ZNF385D: variants seen among roughly 807,000 people sequenced by gnomAD.
ZNF385D encodes zinc finger protein 385D.
A neutral mutation model predicts 35.8 loss-of-function variants in ZNF385D; 15 were observed. The ratio of observed to expected loss-of-function variants is 0.42; its 90% confidence interval spans 0.28 to 0.64. The LOEUF is 0.64. ZNF385D is among the 30% of genes least tolerant of loss of function. The pLI is 0.23. For synonymous variants in ZNF385D, 212 were observed against 186.8 expected, an observed-to-expected ratio of 1.13 and a Z score of -1.10; for missense variants, 474 against 494.6, an observed-to-expected ratio of 0.96 and a Z score of 0.39.
chr3:21,807,900 T>C (rs1375184723), intron 3 of ZNF385D, among the ~76,000 whole-genome samples: 1 of 152,210 alleles, frequency 6.6e-6, no homozygotes, highest in Non-Finnish European at 1.5e-5. Flanking sequence ...TTATTTTTAG[T>C]ATGTAAGCTA....
At chr3:22,283,490 T>C (rs1701871964) in intron 2 of ZNF385D, among the ~76,000 whole-genome samples, 1 of 152,156 alleles carries the variant, frequency 6.6e-6, no homozygotes, top group Admixed American at 6.6e-5. Flanking sequence ...AGTGTCCTAA[T>C]CTTCCTTTCT....
intron 3 of ZNF385D, among the ~76,000 whole-genome samples, chr3:21,799,037 A>G (rs1379780063): frequency 6.6e-6 from 1 of 152,152 alleles, no homozygotes; most frequent in Non-Finnish European, 1.5e-5. Context: ...AATATTCCAT[A>G]TAAGCGGAAC....
At chr3:22,363,112 G>C (rs114674059) in intron 2 of ZNF385D, among the ~76,000 whole-genome samples, 2,354 of 152,162 alleles carry the variant, frequency 0.015, 33 homozygotes, top group Non-Finnish European at 0.023. Flanking sequence ...ATATTTTCCA[G>C]GCAAGAGAGT....
At chr3:21,996,478 T>A (rs1350695143) in intron 3 of ZNF385D, among the ~76,000 whole-genome samples, 1 of 152,176 alleles carries the variant, frequency 6.6e-6, no homozygotes, top group African/African-American at 2.4e-5. Flanking sequence ...ACTTACTGTT[T>A]TGGTCCTTCT....
intron 2 of ZNF385D, among the ~76,000 whole-genome samples, chr3:22,327,838 G>C (rs1694749810): frequency 6.6e-6 from 1 of 152,164 alleles, no homozygotes; most frequent in Non-Finnish European, 1.5e-5. Flanking sequence ...GTATGGAAGA[G>C]AACATTGCTA....
At chr3:21,576,678 A>T (rs1381498941) in intron 2 of ZNF385D, among the ~76,000 whole-genome samples, 1 of 152,162 alleles carries the variant, frequency 6.6e-6, no homozygotes, top group African/African-American at 2.4e-5. Flanking sequence ...GGTGATTCTT[A>T]TTCCTTTCCC....
intron 1 of ZNF385D, among the ~76,000 whole-genome samples, chr3:21,699,116 A>G (rs1399199431): frequency 6.6e-6 from 1 of 152,246 alleles, no homozygotes; most frequent in African/African-American, 2.4e-5. Flanking sequence ...AGACTGGATA[A>G]AGAAAATGTG....
chr3:22,074,626 C>T (rs1337851220), intron 3 of ZNF385D, among the ~76,000 whole-genome samples: 2 of 151,722 alleles, frequency 1.3e-5, no homozygotes, highest in Non-Finnish European at 2.9e-5. Context: ...TGTTTAATTC[C>T]ACAATATAAG....
intron 4 of ZNF385D, chr3:21,459,363 A>G (rs1703025178): frequency 1.3e-5 from 2 of 152,170 alleles, no homozygotes; most frequent in African/African-American, 4.8e-5. Context: ...TCAAAAGGGC[A>G]CTATCTGGAA....
intron 3 of ZNF385D, among the ~76,000 whole-genome samples, chr3:22,056,630 G>A (rs1047465417): frequency 3.9e-5 from 6 of 152,200 alleles, no homozygotes; most frequent in African/African-American, 1.4e-4. Context: ...TTCAGCTGGT[G>A]CAGTTTGACA....
Position 21,531,884 on chromosome 3 carries a change from G to C in ZNF385D, c.277-20861C>G, listed in dbSNP as rs2061931043. Among the ~76,000 whole-genome samples the C allele has an allele frequency of 2.6e-5, 4 of 152,292 alleles. No individual in the cohort carries two copies. The South Asian group carries it at 8.3e-4, about 32-fold the overall frequency. On this transcript the variant is annotated intron_variant, in intron 3 of 7. Transcript: ENST00000281523. ...CCAATTACGAACCCTAAAGTTAATT[G>C]CAGACGTTGGTAATAATGATGTGTC...
chr3:22,188,412 T>A lies in ZNF385D; in HGVS notation c.107-19377A>T, dbSNP rs1402700789. Among the ~76,000 whole-genome samples, 4 of 152,192 alleles carry A rather than the reference T, an allele frequency of 2.6e-5. No homozygotes were observed. In the East Asian group the frequency reaches 7.7e-4, roughly 29 times the overall value. ...TGATTCTGCTGTGTGTTTTAGCAAGTTATTGTGCGAATGTGTTTACATACA... is the reference window on the plus strand; with the variant it reads ...TGATTCTGCTGTGTGTTTTAGCAAGATATTGTGCGAATGTGTTTACATACA... On this transcript the variant is annotated intron_variant, in intron 2 of 5. Coordinates refer to the ZNF385D transcript ENST00000494108.
chr3:22,014,921 C>T (rs752944193), intron 3 of ZNF385D, among the ~76,000 whole-genome samples: 2 of 152,072 alleles, frequency 1.3e-5, no homozygotes, highest in Admixed American at 6.6e-5. Context: ...AAACTGATTA[C>T]AGTTTAAGGC....
At chr3:21,562,334 A>G (rs546758050) in intron 3 of ZNF385D, among the ~76,000 whole-genome samples, 14 of 152,258 alleles carry the variant, frequency 9.2e-5, no homozygotes, top group East Asian at 7.7e-4. Context: ...ATGTCTGACA[A>G]TATTTCTAAA....
intron 2 of ZNF385D, among the ~76,000 whole-genome samples, chr3:22,298,344 A>G (rs2125407711): frequency 7.1e-6 from 1 of 139,878 alleles, no homozygotes; most frequent in East Asian, 2.0e-4. Flanking sequence ...CTTTAACAGC[A>G]AAGGAGGAGA....
chr3:22,297,874 C>A (rs140121444), intron 2 of ZNF385D, among the ~76,000 whole-genome samples: 1 of 151,972 alleles, frequency 6.6e-6, no homozygotes, highest in Admixed American at 6.6e-5. Flanking sequence ...ACGTACAACG[C>A]GTATTTTCAT....
rs965564211 is a variant in ZNF385D at position 21,437,266 on chromosome 3, G to T, written c.440-63C>A. 9.0e-6 allele frequency: 13 copies of T among 1,452,222 alleles called. No individual in the cohort carries two copies. In the African/African-American group the frequency reaches 1.6e-4, roughly 17 times the overall value. 90.0% of individuals were successfully genotyped at this position (1,452,222 alleles called of 1,614,324 possible). On this transcript the variant is annotated intron_variant, in intron 4 of 7. Coordinates refer to ENST00000281523, the MANE Select transcript of ZNF385D (RefSeq NM_024697.3). ...AATGGTATTATCTTTCCCTATTCAGGAATGTATCATGAATATTGCATTCTG... is the reference window on the plus strand; with the variant it reads ...AATGGTATTATCTTTCCCTATTCAGTAATGTATCATGAATATTGCATTCTG...
At chr3:21,674,878 T>C (rs543075777) in intron 1 of ZNF385D, among the ~76,000 whole-genome samples, 1 of 152,026 alleles carries the variant, frequency 6.6e-6, no homozygotes, top group Admixed American at 6.6e-5. Context: ...ATTAAGTGAC[T>C]TGTGTATTGT....
chr3:21,785,500 C>G lies in ZNF385D; in HGVS notation c.326-120472G>C, dbSNP rs567618479. On this transcript the variant is annotated intron_variant, in intron 3 of 5. Transcript: ENST00000494108. ...AACTACAGGTACAGTGTTGTGCATT[C>G]GATGTCCAGAAACTTGAATAGCTAA... 1.5e-3 allele frequency among the ~76,000 whole-genome samples: 231 copies of G among 152,210 alleles called. 1 individual carries two copies. The highest frequency in any genetic ancestry group is 5.3e-3 in the African/African-American group (218 of 41,522).
Sources: gnomAD v4.1 joint callset for allele counts (sites outside exome capture counted in the v4.1 genomes callset) on GRCh38, gnomAD v4.1.1 for gene constraint, MANE v1.5 for transcripts, NCBI Gene and HGNC (gene_info 2026-07-23, HGNC 2026-07-21) for gene names.